BMP1: variants seen among roughly 807,000 people sequenced by gnomAD.
The protein encoded by BMP1 is bone morphogenetic protein 1, also known as mammalian tolloid protein.
BMP1 carries 63 observed loss-of-function variants against 116.8 expected under a neutral mutation model. That is an observed-to-expected ratio of 0.54 (90% confidence interval 0.44 to 0.67). The LOEUF (loss-of-function observed/expected upper bound fraction) is 0.67. Among genes scored for constraint, BMP1 ranks in the 30% least tolerant of loss-of-function variants. The pLI, the probability that BMP1 is intolerant of heterozygous loss-of-function variation, is 0.00. For missense variants in BMP1, 1,183 were observed against 1,358.9 expected (o/e 0.87, Z 2.04); for synonymous variants, 536 against 533.4 (o/e 1.00, Z -0.07).
Position 22,207,368 on chromosome 8 carries a change from C to T in BMP1, c.2427C>T (p.Asp809=), listed in dbSNP as rs202053510. ...CCTACGACCACCTAGAGGTGTTCGA[C>T]GGGCGAGACGCCAAGGCCCCCGTCC... ...ECAYDHLEVF[D]GRDAKAPVLG... Residue 809 remains aspartate, a synonymous_variant, in exon 18 of 20, where the codon GAC becomes GAT. Coordinates refer to ENST00000306385, the MANE Select transcript of BMP1 (RefSeq NM_006129.5). 1.5e-4 allele frequency: 239 copies of T among 1,614,216 alleles called. No homozygotes were observed. The highest frequency in any genetic ancestry group is 3.3e-4 in the Middle Eastern group (2 of 6,062).
At chr8:22,171,309 C>G (rs2131841034) in intron 1 of BMP1, 1 of 152,326 alleles carries the variant, frequency 6.6e-6, no homozygotes, top group African/African-American at 2.4e-5. Flanking sequence ...CTTAGGTTAT[C>G]TCTCTCTGAG....
At position 22,179,784 on chromosome 8, in the gene BMP1, A is replaced by C. The variant is rs1357950133; in HGVS notation, c.916A>C (p.Ser306Arg). ...KPPIGQRTRL[S>R]KGDIAQARKL... ...TCCCATTGGCCAAAGGACACGGCTC[A>C]GCAAGGGGGACATTGCCCAAGCCCG... is the stretch of plus-strand genomic sequence containing the variant. The change falls in exon 7 of 20, where the codon AGC (serine) becomes CGC (arginine). Residue 306 changes from serine to arginine, a missense_variant. By Grantham distance (110) the Ser-to-Arg change is moderately radical (BLOSUM62 -1). Around this residue, in one of 4 missense-constraint regions of BMP1, gnomAD observed 956 missense variants for 1,135.2 expected, o/e 0.84. Transcript: ENST00000306385. This position sits in a 1 kb window ranked among gnomAD's most constrained non-coding sequence, Gnocchi z 4.6. 1 of 1,614,150 alleles carries C rather than the reference A, an allele frequency of 6.2e-7. No homozygotes were observed. Among genetic ancestry groups the C allele is most frequent in the Admixed American group, 1.7e-5 (1 of 60,022 alleles).
intron 1 of BMP1, chr8:22,170,798 A>C (rs183238267): frequency 6.6e-6 from 1 of 152,146 alleles, no homozygotes; most frequent in Non-Finnish European, 1.5e-5. Flanking sequence ...CTACTAAAAA[A>C]AAAATACAAA....
At chr8:22,172,973 C>T (rs1226448317) in intron 1 of BMP1, among the ~76,000 whole-genome samples, 3 of 152,130 alleles carry the variant, frequency 2.0e-5, no homozygotes. Context: ...GCTGAGTGAC[C>T]ACCACATGCT....
chr8:22,200,178 G>A (rs150455152), intron 15 of BMP1, among the ~76,000 whole-genome samples: 11 of 152,304 alleles, frequency 7.2e-5, no homozygotes, highest in Non-Finnish European at 1.0e-4. Flanking sequence ...ATGTGGCTGC[G>A]GCACACACAC....
Position 22,194,411 on chromosome 8 carries a change from C to T in BMP1, c.1298-34C>T, listed in dbSNP as rs200359593. ...TAGCAGGGCAAAGCATGCTGACTCA[C>T]CACCCCTTCCCACCCCATCCTGTGT... is the stretch of plus-strand genomic sequence containing the variant. On this transcript the variant is annotated intron_variant, in intron 10 of 19. Transcript: ENST00000306385. This position sits in a 1 kb window ranked among gnomAD's most constrained non-coding sequence, Gnocchi z 4.5. 2.5e-6 allele frequency: 4 copies of T among 1,612,208 alleles called. No individual in the cohort carries two copies. The highest frequency in any genetic ancestry group is 2.2e-5 in the East Asian group (1 of 44,846).
At chr8:22,186,382 A>C (rs184855982) in intron 8 of BMP1, among the ~76,000 whole-genome samples, 1 of 152,292 alleles carries the variant, frequency 6.6e-6, no homozygotes, top group Non-Finnish European at 1.5e-5. Context: ...AGAGTGCCTG[A>C]GTTTGACTCG....
intron 8 of BMP1, among the ~76,000 whole-genome samples, chr8:22,182,642 C>T (rs1285181466): frequency 6.6e-6 from 1 of 152,230 alleles, no homozygotes; most frequent in African/African-American, 2.4e-5. Flanking sequence ...GCCTTGTTTT[C>T]AGTGAACCCA....
chr8:22,197,358 G>A lies in BMP1; in HGVS notation c.2045G>A (p.Arg682His), dbSNP rs199971581. The A allele has an allele frequency of 5.6e-6, 9 of 1,613,812 alleles. No homozygotes were observed. The highest frequency in any genetic ancestry group is 3.3e-5 in the South Asian group (3 of 91,080). ...ATCACCTCCCAGTACAACAACATGC[G>A]CGTGGAGTTCAAGTCCGACAACACC... ...EVITSQYNNM[R>H]VEFKSDNTVS... Residue 682 changes from arginine (R) to histidine (H), a missense_variant, in exon 15 of 20, where the codon CGC (arginine) becomes CAC (histidine). Transcript: ENST00000306385.
intron 5 of BMP1, chr8:22,177,576 A>C: frequency 1.3e-6 from 1 of 742,322 alleles, no homozygotes; most frequent in African/African-American, 1.7e-5. Context: ...GGCGTTCTCC[A>C]CTCTTCACTG....
intron 13 of BMP1, 197 bp from the exon 14 acceptor site, chr8:22,196,483 C>T (rs918725525): frequency 2.9e-6 from 2 of 678,548 alleles, no homozygotes; most frequent in Non-Finnish European, 5.0e-6. Flanking sequence ...CCCACTCCTC[C>T]CTACAGGCCC....
At chr8:22,165,692 A>T in intron 1 of BMP1, 139 bp downstream of exon 1, 12 of 367,574 alleles carry the variant, frequency 3.3e-5, no homozygotes, top group Non-Finnish European at 3.7e-5. Flanking sequence ...CAAAAGAACG[A>T]GGGGGAGAGG....
At chr8:22,202,978 C>G (rs1436318782) in intron 16 of BMP1, among the ~76,000 whole-genome samples, 1 of 152,148 alleles carries the variant, frequency 6.6e-6, no homozygotes, top group African/African-American at 2.4e-5. Flanking sequence ...CCACTGTACT[C>G]CAGCCTGGGT....
Position 22,179,763 on chromosome 8 carries a change from A to G in BMP1, c.895A>G (p.Ile299Val). The G allele has an allele frequency of 6.2e-7, 1 of 1,613,934 alleles. No homozygotes were observed. The highest frequency in any genetic ancestry group is 8.5e-7 in the Non-Finnish European group (1 of 1,179,910). The change falls in exon 7 of 20, where the codon ATT becomes GTT. Residue 299 changes from isoleucine to valine, a missense_variant. Physicochemically the swap from Ile to Val is conservative, Grantham distance 29 (BLOSUM62 3). Around this residue, in one of 4 missense-constraint regions of BMP1, gnomAD observed 956 missense variants for 1,135.2 expected, o/e 0.84. Transcript: ENST00000306385. The surrounding 1 kb of genome is among the most constrained non-coding windows in gnomAD (Gnocchi z 4.6). ...KYEVNGVKPP[I>V]GQRTRLSKGD... The stretch of plus-strand genomic sequence containing the variant: ...TGAGGTGAACGGGGTGAAACCTCCC[A>G]TTGGCCAAAGGACACGGCTCAGCAA...
chr8:22,177,894 A>G lies in BMP1; in HGVS notation c.773A>G (p.Glu258Gly), dbSNP rs1323114453. The G allele has an allele frequency of 1.1e-5, 18 of 1,613,558 alleles. No individual in the cohort carries two copies. Among genetic ancestry groups the G allele is most frequent in the Non-Finnish European group, 1.5e-5 (18 of 1,179,662 alleles). Reference sequence around the variant, plus strand: ...CTGAAGATGGAGCCTCAGGAGGTGGAGTCCCTGGGGGAGACCTATGACTTC... The same window carrying G: ...CTGAAGATGGAGCCTCAGGAGGTGGGGTCCCTGGGGGAGACCTATGACTTC... ...NFLKMEPQEV[E>G]SLGETYDFDS... Residue 258 changes from glutamate to glycine, a missense_variant, in exon 6 of 20, where the codon GAG becomes GGG. Transcript: ENST00000306385.
chr8:22,199,118 C>A (rs1386644037), intron 15 of BMP1: 1 of 1,367,610 alleles, frequency 7.3e-7, no homozygotes, highest in East Asian at 4.5e-5. Flanking sequence ...GCCCCACCCT[C>A]AGCCCTGCAC....
At chr8:22,172,892 C>T (rs1267350232) in intron 1 of BMP1, among the ~76,000 whole-genome samples, 1 of 152,100 alleles carries the variant, frequency 6.6e-6, no homozygotes, top group Non-Finnish European at 1.5e-5. Context: ...GTTGGGATTA[C>T]AGGTGTGAGC....
chr8:22,197,177 G>A (rs537262371), intron 14 of BMP1, 63 bp from the exon 15 acceptor site: 2 of 1,568,534 alleles, frequency 1.3e-6, no homozygotes, highest in South Asian at 1.2e-5. Flanking sequence ...AGCTTCCCGA[G>A]GGCAGGAGTA....
At chr8:22,193,022 C>T (rs1223457594) in intron 9 of BMP1, among the ~76,000 whole-genome samples, 3 of 152,210 alleles carry the variant, frequency 2.0e-5, no homozygotes, top group Admixed American at 6.5e-5. Context: ...CTCTCGTAGA[C>T]GTGTTAGTGT....
Sources: allele counts gnomAD v4.1 joint callset (sites outside exome capture counted in the v4.1 genomes callset), GRCh38; gene constraint gnomAD v4.1.1; regional missense constraint gnomAD v4.1.1; non-coding constraint Gnocchi (gnomAD v3.1); transcripts MANE v1.5; gene names NCBI Gene and HGNC (gene_info 2026-07-23, HGNC 2026-07-21).